Variants in PI4KA observed in about 807,000 individuals in gnomAD.
PI4KA encodes phosphatidylinositol 4-kinase alpha.
In PI4KA, 122 loss-of-function variants were observed where a neutral mutation model predicts 271.4. The observed-to-expected ratio is 0.45, with a 90% CI of 0.39 to 0.52. PI4KA has a LOEUF of 0.52. Among genes scored for constraint, PI4KA ranks in the 20% least tolerant of loss-of-function variants. The pLI, the probability that PI4KA is intolerant of heterozygous loss-of-function variation, is 0.00. For synonymous variants in PI4KA, 1,041 were observed against 1,078.8 expected, an observed-to-expected ratio of 0.96 and a Z score of 0.69; for missense variants, 1,969 against 2,769.1, an observed-to-expected ratio of 0.71 and a Z score of 6.48.
intron 16 of PI4KA, 71 bp downstream of exon 16, chr22:20,799,022 C>T (rs1601524081): frequency 7.2e-6 from 9 of 1,250,194 alleles, no homozygotes; most frequent in African/African-American, 1.5e-5. Context: ...TGTATTTGTA[C>T]ATCCCTTATA....
chr22:20,741,450 C>T (rs1929443315), intron 32 of PI4KA, among the ~76,000 whole-genome samples: 2 of 152,116 alleles, frequency 1.3e-5, no homozygotes, highest in South Asian at 4.2e-4. Context: ...TCACAGGTGT[C>T]CCCCTGACTA....
intron 25 of PI4KA, among the ~76,000 whole-genome samples, chr22:20,752,518 C>T (rs565801963): frequency 3.9e-5 from 6 of 152,182 alleles, no homozygotes. Context: ...GAGTATACAG[C>T]ACAGAAGGGT....
At chr22:20,850,594 C>G (rs762661810) in intron 1 of PI4KA, among the ~76,000 whole-genome samples, 4 of 151,838 alleles carry the variant, frequency 2.6e-5, no homozygotes, top group Non-Finnish European at 5.9e-5. Context: ...CAGGCCACCA[C>G]GCCCAGCTAA....
chr22:20,858,388 C>G (rs1927906084), intron 1 of PI4KA, among the ~76,000 whole-genome samples, 182 bp downstream of exon 1: 1 of 151,818 alleles, frequency 6.6e-6, no homozygotes. Context: ...GTCCCTCTCT[C>G]TTCACCAGCC....
chr22:20,815,615 C>T (rs1002548856), intron 7 of PI4KA, among the ~76,000 whole-genome samples: 4 of 152,184 alleles, frequency 2.6e-5, no homozygotes, highest in South Asian at 2.1e-4. Context: ...CTAAAGAGGA[C>T]GCAAACCAGC....
At position 20,855,167 on chromosome 22, in the gene PI4KA, G is replaced by T. The variant is rs1468566824; in HGVS notation, c.156+3403C>A. On this transcript the variant is annotated intron_variant, in intron 1 of 54. Transcript: ENST00000255882. ...AACTGTCTCAAAAAAAAAAAAAAAA[G>T]AACAAGAAACTTTTCCTTGGGAATG... Among the ~76,000 whole-genome samples the T allele has an allele frequency of 2.1e-5, 3 of 141,632 alleles. No homozygotes were observed. The East Asian group carries it at 6.2e-4, about 29-fold the overall frequency. 92.9% of individuals were successfully genotyped at this position (141,632 alleles called of 152,430 possible).
intron 28 of PI4KA, among the ~76,000 whole-genome samples, chr22:20,747,982 C>T (rs549160501): frequency 1.4e-4 from 21 of 152,320 alleles, no homozygotes; most frequent in African/African-American, 4.6e-4. Flanking sequence ...GTGATCCTCC[C>T]GCCTCAGCAT....
rs753602708 is a variant in PI4KA at position 20,712,543 on chromosome 22, G to C, written c.5745C>G (p.Gly1915=). 45 of 1,598,778 alleles carry C rather than the reference G, an allele frequency of 2.8e-5. No individual in the cohort carries two copies. The highest frequency in any genetic ancestry group is 3.8e-5 in the Non-Finnish European group (45 of 1,174,054). ...RDQLGRQTDF[G]MYDYFTRQYG... ...ACTGGCGTGTGAAGTAGTCGTACATGCCGAAGTCTGTCTGGCGGCCCAGCT... is the reference window on the plus strand; with the variant it reads ...ACTGGCGTGTGAAGTAGTCGTACATCCCGAAGTCTGTCTGGCGGCCCAGCT... The change falls in exon 50 of 55, where the codon GGC becomes GGG. Residue 1915 remains glycine, a synonymous_variant. Transcript: ENST00000255882.
intron 18 of PI4KA, 50 bp from the exon 19 acceptor site, chr22:20,793,293 T>C: frequency 1.2e-6 from 1 of 828,932 alleles, no homozygotes; most frequent in South Asian, 1.6e-5. Context: ...TTTCTTTTAT[T>C]AAAAAAAAAA....
intron 45 of PI4KA, 42 bp downstream of exon 45, chr22:20,717,666 C>A (rs1191396626): frequency 5.4e-6 from 8 of 1,483,974 alleles, no homozygotes; most frequent in Non-Finnish European, 7.4e-6. Flanking sequence ...CGCCCGCCTG[C>A]AGGAAGAGGT....
intron 43 of PI4KA, among the ~76,000 whole-genome samples, chr22:20,719,942 C>T (rs897293719): frequency 5.7e-5 from 8 of 141,458 alleles, no homozygotes; most frequent in Non-Finnish European, 1.1e-4. Context: ...AGGAGAATGG[C>T]GTGAACCTGG....
chr22:20,770,579 G>GACACACACACAC lies in PI4KA; in HGVS notation c.2329-4898_2329-4887dup, dbSNP rs528696021. 1.1e-3 allele frequency among the ~76,000 whole-genome samples: 105 copies of GACACACACACAC among 96,058 alleles called. 2 individuals carry two copies. The highest frequency in any genetic ancestry group is 2.6e-3 in the South Asian group (6 of 2,306). The allele number at this position is 96,058 out of a possible 152,430, so 63.0% of individuals were successfully genotyped here. A position where few individuals can be genotyped will look rare whatever the true frequency, so the allele number is the denominator to read the frequency against. ...TGCTATGTTGCCCAAGCTGGACACG[G>GACACACACACAC]ACACACACACACACACACACACACA... is the stretch of plus-strand genomic sequence containing the variant. On this transcript the variant is annotated intron_variant, in intron 19 of 54. Coordinates refer to ENST00000255882, the MANE Select transcript of PI4KA (RefSeq NM_058004.4).
intron 36 of PI4KA, 146 bp from the exon 37 acceptor site, chr22:20,730,157 C>A (rs1382843236): frequency 2.5e-5 from 20 of 812,164 alleles, no homozygotes; most frequent in Non-Finnish European, 3.1e-5. Flanking sequence ...AGGAACAAAT[C>A]TGTCTGGATG....
intron 23 of PI4KA, among the ~76,000 whole-genome samples, chr22:20,758,670 C>T (rs1430249251): frequency 6.6e-6 from 1 of 152,036 alleles, no homozygotes; most frequent in African/African-American, 2.4e-5. Context: ...ACAGTTCAGC[C>T]AGAGCTTGAC....
chr22:20,761,685 G>A (rs1931986460), intron 22 of PI4KA, among the ~76,000 whole-genome samples: 2 of 151,974 alleles, frequency 1.3e-5, no homozygotes, highest in African/African-American at 2.4e-5. Context: ...TCACCAACAG[G>A]AGACTGGGCA....
intron 1 of PI4KA, among the ~76,000 whole-genome samples, chr22:20,851,510 G>C (rs903653210): frequency 1.3e-5 from 2 of 152,044 alleles, no homozygotes; most frequent in African/African-American, 2.4e-5. Context: ...GCTAATTTTT[G>C]TATTTTTAGT....
intron 19 of PI4KA, chr22:20,786,929 G>A (rs1183510279): frequency 6.2e-7 from 1 of 1,614,174 alleles, no homozygotes; most frequent in Non-Finnish European, 8.5e-7. Flanking sequence ...AGCCACCACT[G>A]TGACCACGGT....
intron 1 of PI4KA, among the ~76,000 whole-genome samples, chr22:20,851,993 G>A (rs534932136): frequency 4.7e-4 from 71 of 152,194 alleles, no homozygotes; most frequent in Middle Eastern, 3.4e-3. Context: ...GCGTGGTGGC[G>A]GGCGCCTGTA....
At chr22:20,826,525 T>A (rs1044888273) in intron 3 of PI4KA, among the ~76,000 whole-genome samples, 1 of 152,206 alleles carries the variant, frequency 6.6e-6, no homozygotes. Context: ...TACGCATGCA[T>A]CTTTACAGTA....
Sources: allele counts gnomAD v4.1 joint callset (sites outside exome capture counted in the v4.1 genomes callset), GRCh38; gene constraint gnomAD v4.1.1; transcripts MANE v1.5; gene names NCBI Gene and HGNC (gene_info 2026-07-23, HGNC 2026-07-21).